The following TBCCD1 variants were observed in gnomAD, a reference collection of about 807,000 sequenced individuals.
TBCCD1 encodes the protein TBCC domain containing 1, also known as TBCC domain-containing protein 1.
TBCCD1 carries 26 observed loss-of-function variants against 53.4 expected under a neutral mutation model. That is an observed-to-expected ratio of 0.49 (90% CI 0.36 to 0.68). TBCCD1 has a LOEUF of 0.68. Among genes scored for constraint, TBCCD1 ranks in the 30% least tolerant of loss-of-function variants. The pLI is 0.00. For missense variants in TBCCD1, 558 were observed against 669.5 expected (o/e 0.83, Z 1.84); for synonymous variants, 245 against 241.7 (o/e 1.01, Z -0.13).
chr3:186,565,944 T>C (rs899158705), intron 1 of TBCCD1, among the ~76,000 whole-genome samples: 5 of 152,332 alleles, frequency 3.3e-5, no homozygotes, highest in East Asian at 3.9e-4. Context: ...TTTTTAAAAA[T>C]ATAAAAACTA....
intron 7 of TBCCD1, among the ~76,000 whole-genome samples, chr3:186,547,262 T>C (rs977807939): frequency 2.6e-5 from 4 of 152,074 alleles, no homozygotes; most frequent in Admixed American, 1.3e-4. Flanking sequence ...TGTAATTTTT[T>C]TTTTTTTTTT....
At chr3:186,551,597 A>T (rs1714382866) in intron 6 of TBCCD1, among the ~76,000 whole-genome samples, 1 of 152,104 alleles carries the variant, frequency 6.6e-6, no homozygotes, top group African/African-American at 2.4e-5. Context: ...ACACTTCACG[A>T]CTCCAGAGGG....
chr3:186,560,035 C>A (rs1055727249), intron 2 of TBCCD1, among the ~76,000 whole-genome samples: 5 of 152,134 alleles, frequency 3.3e-5, no homozygotes, highest in African/African-American at 1.2e-4. Context: ...TAGTATGTAA[C>A]CTCTTGGGAT....
Position 186,559,896 on chromosome 3 carries a change from T to C in TBCCD1, c.337-1324A>G, listed in dbSNP as rs1259114713. ...TTTCCATCAACAGAACAATCTCTCA[T>C]GTTGCCCTTCTACAGCCATATGCAC... On this transcript the variant is annotated intron_variant, in intron 2 of 7. Coordinates refer to ENST00000338733, the MANE Select transcript of TBCCD1 (RefSeq NM_018138.5). Among the ~76,000 whole-genome samples the C allele has an allele frequency of 2.0e-5, 3 of 152,306 alleles. 1 individual carries two copies.
Position 186,554,972 on chromosome 3 carries a change from T to A in TBCCD1, c.972A>T (p.Ser324=), listed in dbSNP as rs1714492694. Residue 324 remains serine, a synonymous_variant, in exon 5 of 8, where the codon TCA becomes TCT. Coordinates refer to ENST00000338733, the MANE Select transcript of TBCCD1 (RefSeq NM_018138.5). Reference sequence around the variant, plus strand: ...TTACATGTGCCCCCGCCAGAGTGTCTGAGCTCTTAGCCAGTGTCTGCTTGT... The same window carrying A: ...TTACATGTGCCCCCGCCAGAGTGTCAGAGCTCTTAGCCAGTGTCTGCTTGT... ...QVYKQTLAKS[S]DTLAGAHVKI... 6.2e-7 allele frequency: 1 copy of A among 1,613,900 alleles called. No homozygotes were observed. Among genetic ancestry groups the A allele is most frequent in the Non-Finnish European group, 8.5e-7 (1 of 1,180,042 alleles).
intron 1 of TBCCD1, among the ~76,000 whole-genome samples, chr3:186,564,727 T>C (rs1364933627): frequency 6.6e-6 from 1 of 152,200 alleles, no homozygotes; most frequent in East Asian, 1.9e-4. Context: ...GGGAACACTG[T>C]TCAAAATAAG....
At position 186,554,425 on chromosome 3, in the gene TBCCD1, A is replaced by T. The variant is rs1388696614; in HGVS notation, c.1373T>A (p.Phe458Tyr). The change falls in exon 6 of 8, where the codon TTC (phenylalanine) becomes TAC (tyrosine). Residue 458 changes from phenylalanine (F) to tyrosine (Y), a missense_variant. Coordinates refer to ENST00000338733, the MANE Select transcript of TBCCD1 (RefSeq NM_018138.5). Reference protein sequence around the residue: ...VCRENSDTRVFQLLPPCEFYV... With the variant: ...VCRENSDTRVYQLLPPCEFYV... Reference sequence around the variant, plus strand: ...GAATTCACAAGGTGGTAAAAGCTGGAAGACTCTTGTGTCGCTGTTCTCTCT... The same window carrying T: ...GAATTCACAAGGTGGTAAAAGCTGGTAGACTCTTGTGTCGCTGTTCTCTCT... 3.7e-6 allele frequency: 6 copies of T among 1,614,148 alleles called. No individual in the cohort carries two copies. The highest frequency in any genetic ancestry group is 5.1e-6 in the Non-Finnish European group (6 of 1,180,054).
chr3:186,558,793 T>C (rs779516320), intron 2 of TBCCD1, among the ~76,000 whole-genome samples: 2 of 152,046 alleles, frequency 1.3e-5, no homozygotes, highest in Non-Finnish European at 2.9e-5. Flanking sequence ...CAGGCTGGAG[T>C]GCAATGATGC....
Position 186,551,283 on chromosome 3 carries a change from A to C in TBCCD1, c.1545-4T>G. ...CTGGAACTGCTTCCTTTGATCCCTAAAATTGCGATTATGAGTAAAAAGAAT... is the reference window on the plus strand; with the variant it reads ...CTGGAACTGCTTCCTTTGATCCCTACAATTGCGATTATGAGTAAAAAGAAT... On this transcript the variant is annotated splice_region_variant and splice_polypyrimidine_tract_variant and intron_variant, in intron 6 of 7. Transcript: ENST00000338733. 2 of 1,610,676 alleles carry C rather than the reference A, an allele frequency of 1.2e-6. No homozygotes were observed. Among genetic ancestry groups the C allele is most frequent in the Non-Finnish European group, 1.7e-6 (2 of 1,178,988 alleles).
At chr3:186,557,800 G>A (rs749690758) in intron 3 of TBCCD1, among the ~76,000 whole-genome samples, 1 of 152,116 alleles carries the variant, frequency 6.6e-6, no homozygotes, top group South Asian at 2.1e-4. Flanking sequence ...ATAGCAAAGA[G>A]ATATTTTTTC....
chr3:186,559,847 C>T (rs1385771449), intron 2 of TBCCD1, among the ~76,000 whole-genome samples: 4 of 152,124 alleles, frequency 2.6e-5, no homozygotes, highest in African/African-American at 9.7e-5. Flanking sequence ...ATATTGACAC[C>T]GATACAGTCA....
chr3:186,548,698 CCA>C (rs1714281333), intron 7 of TBCCD1, among the ~76,000 whole-genome samples: 2 of 151,962 alleles, frequency 1.3e-5, no homozygotes, highest in South Asian at 2.1e-4. Context: ...TGTTTCTAGT[CCA>C]CAGTTTTTTT....
chr3:186,567,261 G>C lies in TBCCD1; in HGVS notation c.-44+6C>G, dbSNP rs1395646001. Reference sequence around the variant, plus strand: ...GCCCTCCCCGGCGCACCCAGTGCGCGGTTACCTGCTAATGCAGGCGCCGCT... The same window carrying C: ...GCCCTCCCCGGCGCACCCAGTGCGCCGTTACCTGCTAATGCAGGCGCCGCT... On this transcript the variant is annotated splice_donor_region_variant and intron_variant, in intron 1 of 7. Transcript: ENST00000338733. 1 of 152,394 alleles carries C rather than the reference G, an allele frequency of 6.6e-6. No homozygotes were observed. Among genetic ancestry groups the C allele is most frequent in the South Asian group, 2.1e-4 (1 of 4,848 alleles). 9.4% of individuals were successfully genotyped at this position (152,394 alleles called of 1,614,324 possible). A position where few individuals can be genotyped will look rare whatever the true frequency, so the allele number is the denominator to read the frequency against.
intron 5 of TBCCD1, 36 bp downstream of exon 5, chr3:186,554,860 ATG>A (rs781313095): frequency 3.7e-6 from 6 of 1,605,238 alleles, no homozygotes; most frequent in Non-Finnish European, 5.1e-6. Flanking sequence ...TCCAAAGAAA[ATG>A]TCAGAACATC....
At chr3:186,565,316 G>T (rs756089016) in intron 1 of TBCCD1, among the ~76,000 whole-genome samples, 6 of 151,926 alleles carry the variant, frequency 3.9e-5, no homozygotes, top group African/African-American at 4.8e-5. Context: ...TAACTATGTT[G>T]GCCAGGCTGA....
rs529720987 is a variant in TBCCD1, at chr3:186,559,189, C to A, written c.337-617G>T. Among the ~76,000 whole-genome samples the A allele has an allele frequency of 1.1e-4, 17 of 151,996 alleles. 1 individual carries two copies. The highest frequency in any genetic ancestry group is 4.1e-4 in the African/African-American group (17 of 41,444). On this transcript the variant is annotated intron_variant, in intron 2 of 7. Coordinates refer to ENST00000338733, the MANE Select transcript of TBCCD1 (RefSeq NM_018138.5). ...ACATTATTTCAGAAGTTTAAACTTA[C>A]AATTTAAAAAAAACCAACCTTAGTA...
chr3:186,550,044 T>C (rs1714323538), intron 7 of TBCCD1, among the ~76,000 whole-genome samples: 2 of 151,904 alleles, frequency 1.3e-5, no homozygotes, highest in South Asian at 2.1e-4. Flanking sequence ...CCAGCCAACA[T>C]GGTGAAACTA....
At position 186,558,531 on chromosome 3, in the gene TBCCD1, A is replaced by C. The variant is rs1197543031; in HGVS notation, c.378T>G (p.Ile126Met). The C allele has an allele frequency of 6.2e-7, 1 of 1,614,126 alleles. No individual in the cohort carries two copies. Among genetic ancestry groups the C allele is most frequent in the East Asian group, 2.2e-5 (1 of 44,864 alleles). The change falls in exon 3 of 8, where the codon ATT becomes ATG. Residue 126 changes from isoleucine to methionine, a missense_variant. Transcript: ENST00000338733. Reference protein sequence around the residue: ...DTLQFLLFLYIQQLNKVSLRT... With the variant: ...DTLQFLLFLYMQQLNKVSLRT... The stretch of plus-strand genomic sequence containing the variant: ...TTAGGGAGACCTTGTTCAACTGTTG[A>C]ATGTATAAGAAGAGCAGAAACTGTA...
chr3:186,570,321 A>T (rs145626237), upstream of TBCCD1: 2 of 537,912 alleles, frequency 3.7e-6, no homozygotes. Context: ...GTATGAATGA[A>T]ATTCCGGGCT....
Sources: allele counts gnomAD v4.1 joint callset (sites outside exome capture counted in the v4.1 genomes callset), GRCh38; gene constraint gnomAD v4.1.1; transcripts MANE v1.5; gene names NCBI Gene and HGNC (gene_info 2026-07-23, HGNC 2026-07-21).